Variants in UQCC1 observed in about 807,000 individuals in gnomAD.
UQCC1 encodes bFGF-repressed Zic-binding protein.
Under a neutral mutation model 48.0 loss-of-function variants are expected in UQCC1, and 38 were observed. That is an observed-to-expected ratio of 0.79 (90% CI 0.61 to 1.04). The LOEUF (loss-of-function observed/expected upper bound fraction) is 1.04, where lower values mean the gene tolerates loss of function less well. Ranked by LOEUF, UQCC1 falls within the 50% of genes least tolerant of loss-of-function variation. UQCC1 has a pLI of 0.00. For missense variants in UQCC1, 368 were observed against 381.8 expected (o/e 0.96, Z 0.30); for synonymous variants, 111 against 129.2 (o/e 0.86, Z 0.95).
chr20:35,384,734 C>T (rs1282605534), intron 2 of UQCC1: 5 of 411,242 alleles, frequency 1.2e-5, no homozygotes, highest in Middle Eastern at 5.7e-4. Flanking sequence ...TTTGGGAGGC[C>T]GAGGTGGATG....
At chr20:35,353,650 A>C (rs2061515768) in intron 6 of UQCC1, among the ~76,000 whole-genome samples, 1 of 151,584 alleles carries the variant, frequency 6.6e-6, no homozygotes, top group Admixed American at 6.6e-5. Context: ...AAATTAGCCA[A>C]ATGTGGTGGT....
At chr20:35,307,190 T>C (rs1949324494) in intron 8 of UQCC1, 1 of 289,150 alleles carries the variant, frequency 3.5e-6, no homozygotes, top group South Asian at 3.5e-5. Flanking sequence ...ATATTGTGAA[T>C]GTATGTTTCT....
intron 7 of UQCC1, among the ~76,000 whole-genome samples, chr20:35,320,736 A>C (rs2061115012): frequency 6.6e-6 from 1 of 152,212 alleles, no homozygotes; most frequent in Non-Finnish European, 1.5e-5. Context: ...AACAGAAGAA[A>C]GTTGGTATGG....
At chr20:35,312,664 GGTTA>G (rs1320704835) in intron 8 of UQCC1, among the ~76,000 whole-genome samples, 1 of 152,016 alleles carries the variant, frequency 6.6e-6, no homozygotes, top group Non-Finnish European at 1.5e-5. Flanking sequence ...AAAAGCATAT[GGTTA>G]GTTTAAAATA....
rs183587231 is a variant in UQCC1 at position 35,408,716 on chromosome 20, G to A, written c.24+3224C>T. Among the ~76,000 whole-genome samples, 7 of 152,020 alleles carry A rather than the reference G, an allele frequency of 4.6e-5. No homozygotes were observed. In the East Asian group the frequency reaches 5.8e-4, roughly 13 times the overall value. On this transcript the variant is annotated intron_variant, in intron 1 of 9. Transcript: ENST00000374385. Reference sequence around the variant, plus strand: ...AAAAGAAAAAAAAAAGTAGCCAGGCGTGGTGGCACATGCCTGTGGTCCCAG... The same window carrying A: ...AAAAGAAAAAAAAAAGTAGCCAGGCATGGTGGCACATGCCTGTGGTCCCAG...
At chr20:35,388,988 C>A (rs2061981407) in intron 2 of UQCC1, among the ~76,000 whole-genome samples, 1 of 151,970 alleles carries the variant, frequency 6.6e-6, no homozygotes, top group Admixed American at 6.6e-5. Flanking sequence ...GTCACTTGAA[C>A]CTGGGAGGTG....
intron 1 of UQCC1, among the ~76,000 whole-genome samples, chr20:35,403,157 A>G (rs2062193689): frequency 2.0e-5 from 3 of 152,196 alleles, no homozygotes; most frequent in South Asian, 4.1e-4. Context: ...GATTACATAC[A>G]GGAAAGATTT....
At chr20:35,375,415 C>T (rs73109573) in intron 4 of UQCC1, among the ~76,000 whole-genome samples, 14,673 of 152,122 alleles carry the variant, frequency 0.096, 968 homozygotes, top group Non-Finnish European at 0.14. Flanking sequence ...TGAGATCTGT[C>T]ATGTTTTTAA....
At chr20:35,330,478 C>G (rs764210097) in intron 7 of UQCC1, among the ~76,000 whole-genome samples, 3 of 152,240 alleles carry the variant, frequency 2.0e-5, no homozygotes, top group Non-Finnish European at 4.4e-5. Flanking sequence ...AGGGCTAGCC[C>G]TGGGTGGGGC....
At chr20:35,390,870 C>T (rs2062005804) in intron 2 of UQCC1, among the ~76,000 whole-genome samples, 1 of 151,992 alleles carries the variant, frequency 6.6e-6, no homozygotes. Context: ...AATGCATAAC[C>T]TCAATCTCAT....
chr20:35,351,537 A>G (rs912123170), intron 6 of UQCC1, among the ~76,000 whole-genome samples: 3 of 152,218 alleles, frequency 2.0e-5, no homozygotes, highest in Admixed American at 6.5e-5. Flanking sequence ...AGACTTTTCT[A>G]AAGTTAATCA....
chr20:35,319,232 T>C (rs937462692), intron 7 of UQCC1, among the ~76,000 whole-genome samples: 2 of 152,256 alleles, frequency 1.3e-5, no homozygotes, highest in Admixed American at 6.5e-5. Context: ...GGTTAAATGA[T>C]GACTGCAATT....
At chr20:35,407,712 C>A (rs901432036) in intron 1 of UQCC1, among the ~76,000 whole-genome samples, 8 of 152,122 alleles carry the variant, frequency 5.3e-5, no homozygotes, top group Admixed American at 1.3e-4. Context: ...ATAGCAAAAC[C>A]CCATCTCTAC....
chr20:35,374,333 ATCTTATATT>A (rs1377237480), intron 4 of UQCC1, 77 bp from the exon 5 acceptor site: 1 of 1,091,528 alleles, frequency 9.2e-7, no homozygotes, highest in Non-Finnish European at 1.4e-6. Context: ...GGGTCACAAA[ATCTTATATT>A]TCTTCAACTA....
chr20:35,380,912 T>C lies in UQCC1; in HGVS notation c.333+1006A>G, dbSNP rs80129279. Among the ~76,000 whole-genome samples the C allele has an allele frequency of 6.6e-3, 1,012 of 152,362 alleles. 14 individuals are homozygous for C. Among genetic ancestry groups the C allele is most frequent in the African/African-American group, 0.023 (967 of 41,592 alleles). On this transcript the variant is annotated intron_variant, in intron 4 of 9. Coordinates refer to ENST00000374385, the MANE Select transcript of UQCC1 (RefSeq NM_018244.5). ...AATCCAAAAATCCAAAATGCTCCAG[T>C]GAGCATTTCCCTGGGGCATCATGTC...
intron 7 of UQCC1, among the ~76,000 whole-genome samples, chr20:35,338,879 AAAAAAAAAAAAAAAT>A (rs2061344563): frequency 1.3e-5 from 1 of 77,280 alleles, no homozygotes; most frequent in Admixed American, 1.1e-4. Flanking sequence ...AAAAAAAAAA[AAAAAAAAAAAAAAAT>A]ATATATATAT....
chr20:35,381,984 C>G lies in UQCC1; in HGVS notation c.267G>C (p.Lys89Asn). 6.2e-7 allele frequency: 1 copy of G among 1,613,208 alleles called. No homozygotes were observed. Among genetic ancestry groups the G allele is most frequent in the Middle Eastern group, 1.7e-4 (1 of 6,058 alleles). The change falls in exon 4 of 10, where the codon AAG becomes AAC. Residue 89 changes from lysine to asparagine, a missense_variant. Coordinates refer to ENST00000374385, the MANE Select transcript of UQCC1 (RefSeq NM_018244.5). ...CTATTATCTTTGTGAAAGCACCAAC[C>G]TTCTCCTCAACAGGCTGTGGGGAAT... ...TKDSPQPVEE[K>N]VGAFTKIIEA...
chr20:35,321,104 T>C (rs1170757999), intron 7 of UQCC1, among the ~76,000 whole-genome samples: 3 of 151,108 alleles, frequency 2.0e-5, no homozygotes, highest in African/African-American at 7.3e-5. Context: ...TTTTGTGAGA[T>C]ACTTAGAAAC....
intron 7 of UQCC1, among the ~76,000 whole-genome samples, chr20:35,319,752 G>A (rs2146320706): frequency 6.6e-6 from 1 of 152,314 alleles, no homozygotes; most frequent in African/African-American, 2.4e-5. Flanking sequence ...GAATCTTGCA[G>A]GGCACATGTT....
Sources: allele counts gnomAD v4.1 joint callset (sites outside exome capture counted in the v4.1 genomes callset), GRCh38; gene constraint gnomAD v4.1.1; transcripts MANE v1.5; gene names NCBI Gene and HGNC (gene_info 2026-07-23, HGNC 2026-07-21).